Variants in ANO2 observed in about 807,000 individuals in gnomAD.
The protein encoded by ANO2 is anoctamin-2.
In ANO2, 101 loss-of-function variants were observed where a neutral mutation model predicts 124.2. The ratio of observed to expected loss-of-function variants is 0.81; its 90% CI spans 0.69 to 0.96. The LOEUF is 0.96. Among genes scored for constraint, ANO2 ranks in the 40% least tolerant of loss-of-function variants. ANO2 has a pLI of 0.00. For synonymous variants in ANO2, 486 were observed against 482.5 expected (o/e 1.01, Z -0.09); for missense variants, 1,293 against 1,274.5 (o/e 1.01, Z -0.22).
intron 15 of ANO2, among the ~76,000 whole-genome samples, chr12:5,638,773 G>T (rs1330630685): frequency 1.3e-5 from 2 of 151,918 alleles, no homozygotes; most frequent in Non-Finnish European, 2.9e-5. Context: ...CTGGCACATG[G>T]TCATTTTATT....
chr12:5,613,857 G>T (rs576264809), intron 17 of ANO2, among the ~76,000 whole-genome samples: 1 of 152,268 alleles, frequency 6.6e-6, no homozygotes, highest in South Asian at 2.1e-4. Flanking sequence ...AACGTCATAT[G>T]CATGTAATTT....
At chr12:5,583,212 G>A (rs1942852983) in intron 20 of ANO2, among the ~76,000 whole-genome samples, 1 of 152,220 alleles carries the variant, frequency 6.6e-6, no homozygotes, top group African/African-American at 2.4e-5. Flanking sequence ...CTTGCTGATG[G>A]TGAAAAGAGA....
intron 3 of ANO2, among the ~76,000 whole-genome samples, chr12:5,886,081 A>G (rs1184642971): frequency 2.0e-5 from 3 of 152,178 alleles, no homozygotes; most frequent in Admixed American, 2.0e-4. Context: ...AAGACCCTGA[A>G]CAGACCCTTC....
At chr12:5,887,439 G>C (rs1001952171) in intron 3 of ANO2, among the ~76,000 whole-genome samples, 3 of 152,228 alleles carry the variant, frequency 2.0e-5, no homozygotes, top group African/African-American at 2.4e-5. Flanking sequence ...CACTTCCACT[G>C]TGGGGGATGT....
chr12:5,789,870 A>G (rs1952646880), intron 10 of ANO2, among the ~76,000 whole-genome samples: 1 of 152,192 alleles, frequency 6.6e-6, no homozygotes, highest in Non-Finnish European at 1.5e-5. Context: ...CAGTGTGTTA[A>G]GACGTTTTCT....
chr12:5,674,971 G>T (rs1948169502), intron 14 of ANO2, among the ~76,000 whole-genome samples: 1 of 151,982 alleles, frequency 6.6e-6, no homozygotes, highest in South Asian at 2.1e-4. Flanking sequence ...GCTAAGGGAT[G>T]GGCAGTCGAG....
rs76038165 is a variant in ANO2, at chr12:5,877,351, A to G, written c.535-23210T>C. Among the ~76,000 whole-genome samples, 465 of 152,304 alleles carry G rather than the reference A, an allele frequency of 3.1e-3. 5 individuals are homozygous for G. Among genetic ancestry groups the G allele is most frequent in the African/African-American group, 0.011 (448 of 41,566 alleles). On this transcript the variant is annotated intron_variant, in intron 3 of 24. Coordinates refer to ENST00000682330, the MANE Select transcript of ANO2 (RefSeq NM_001364791.2). ...TTCTCCCTCAGAGCCTCCAGGAGGAACCCACCCTGCTGGCACTTTCATTTT... is the reference window on the plus strand; with the variant it reads ...TTCTCCCTCAGAGCCTCCAGGAGGAGCCCACCCTGCTGGCACTTTCATTTT...
chr12:5,708,536 G>A (rs1949700522), intron 14 of ANO2, among the ~76,000 whole-genome samples: 1 of 152,216 alleles, frequency 6.6e-6, no homozygotes, highest in Admixed American at 6.5e-5. Context: ...TCTGTTAAGA[G>A]TGACACAGCA....
In ANO2 at chr12:5,615,295, C is replaced by T. The variant is rs184602163; in HGVS notation, c.1819G>A (p.Val607Ile). 1,024 of 1,611,680 alleles carry T rather than the reference C, an allele frequency of 6.4e-4. 6 individuals carry two copies. The highest frequency in any genetic ancestry group is 3.7e-3 in the South Asian group (337 of 90,410). Reference protein sequence around the residue: ...AVAKWLTKIEVPKTEQTFEER... With the variant: ...AVAKWLTKIEIPKTEQTFEER... ...TCAAAAGTCTGTTCTGTTTTCGGAA[C>T]CTCTGTAAGAGAAGAGCGAGGCTGA... Residue 607 changes from valine to isoleucine, a missense_variant and splice_region_variant, in exon 17 of 25, where the codon GTT becomes ATT. Coordinates refer to ENST00000682330, the MANE Select transcript of ANO2 (RefSeq NM_001364791.2).
At chr12:5,571,088 T>C (rs911410763) in intron 23 of ANO2, among the ~76,000 whole-genome samples, 5 of 152,148 alleles carry the variant, frequency 3.3e-5, no homozygotes, top group African/African-American at 1.2e-4. Flanking sequence ...CAGGAAAACC[T>C]GGCAGAAGCC....
At chr12:5,865,447 C>T (rs1365964488) in intron 3 of ANO2, among the ~76,000 whole-genome samples, 2 of 150,694 alleles carry the variant, frequency 1.3e-5, no homozygotes, top group Middle Eastern at 3.5e-3. Flanking sequence ...ACCATCATGC[C>T]ACCACACTAC....
intron 1 of ANO2, among the ~76,000 whole-genome samples, chr12:5,926,745 T>C (rs1243039813): frequency 1.3e-5 from 2 of 152,186 alleles, no homozygotes; most frequent in African/African-American, 2.4e-5. Flanking sequence ...AACCTAGACA[T>C]GAGTAAGGTT....
intron 1 of ANO2, among the ~76,000 whole-genome samples, chr12:5,927,257 G>A (rs772782216): frequency 6.6e-5 from 10 of 152,056 alleles, no homozygotes; most frequent in Admixed American, 6.6e-4. Flanking sequence ...TAATCCTTTC[G>A]GTACAGTCTT....
intron 14 of ANO2, among the ~76,000 whole-genome samples, chr12:5,649,332 A>G (rs1946798857): frequency 6.6e-6 from 1 of 152,220 alleles, no homozygotes; most frequent in African/African-American, 2.4e-5. Context: ...GTAAACAAGC[A>G]ATAGATTCAG....
At chr12:5,680,355 A>G (rs1054424044) in intron 14 of ANO2, among the ~76,000 whole-genome samples, 2 of 152,212 alleles carry the variant, frequency 1.3e-5, no homozygotes, top group Non-Finnish European at 2.9e-5. Flanking sequence ...TCTATCTGGG[A>G]CCTACAATTA....
At chr12:5,653,733 A>C (rs1315079194) in intron 14 of ANO2, among the ~76,000 whole-genome samples, 1 of 152,232 alleles carries the variant, frequency 6.6e-6, no homozygotes, top group Non-Finnish European at 1.5e-5. Context: ...GAGAAAGATG[A>C]ACGCAAATTA....
chr12:5,616,108 C>T (rs931150720), intron 16 of ANO2, among the ~76,000 whole-genome samples: 4 of 152,124 alleles, frequency 2.6e-5, no homozygotes, highest in African/African-American at 9.7e-5. Context: ...CAAGGGACTC[C>T]ACAGACAGTG....
chr12:5,656,105 A>T (rs1860954), intron 14 of ANO2, among the ~76,000 whole-genome samples: 3 of 151,916 alleles, frequency 2.0e-5, no homozygotes, highest in African/African-American at 7.3e-5. Context: ...GTGAGGGGAG[A>T]GCAGCTATAG....
At chr12:5,708,569 C>T (rs1949701631) in intron 14 of ANO2, among the ~76,000 whole-genome samples, 1 of 152,196 alleles carries the variant, frequency 6.6e-6, no homozygotes, top group Admixed American at 6.5e-5. Flanking sequence ...GAATGTGCCT[C>T]AAAGTGGAGC....
Sources: allele counts gnomAD v4.1 joint callset (sites outside exome capture counted in the v4.1 genomes callset), GRCh38; gene constraint gnomAD v4.1.1; transcripts MANE v1.5; gene names NCBI Gene and HGNC (gene_info 2026-07-23, HGNC 2026-07-21).